Variants in PLEKHG3 observed in about 807,000 individuals in gnomAD.
The protein encoded by PLEKHG3 is pleckstrin homology and RhoGEF domain containing G3.
PLEKHG3 carries 62 observed loss-of-function variants against 94.9 expected under a neutral mutation model. That is an observed-to-expected ratio of 0.65 (90% CI 0.53 to 0.81). The LOEUF (loss-of-function observed/expected upper bound fraction) is 0.81, where lower values mean the gene tolerates loss of function less well. Ranked by LOEUF, PLEKHG3 falls within the 30% of genes least tolerant of loss-of-function variation. PLEKHG3 has a pLI of 0.00. For synonymous variants in PLEKHG3, 614 were observed against 654.0 expected, an observed-to-expected ratio of 0.94 and a Z score of 0.93; for missense variants, 1,461 against 1,619.3, an observed-to-expected ratio of 0.90 and a Z score of 1.68.
At chr14:64,724,305 C>T (rs2081316002) in intron 1 of PLEKHG3, among the ~76,000 whole-genome samples, 1 of 152,120 alleles carries the variant, frequency 6.6e-6, no homozygotes, top group Admixed American at 6.5e-5. Context: ...TGACAGTCTG[C>T]ACTAGTGTCC....
In PLEKHG3 at chr14:64,728,522, G is replaced by C. The variant is rs2081396323; in HGVS notation, c.352-474G>C. On this transcript the variant is annotated intron_variant, in intron 2 of 16. Transcript: ENST00000247226. The surrounding 1 kb of genome is among the most constrained non-coding windows in gnomAD (Gnocchi z 5.9). The stretch of plus-strand genomic sequence containing the variant: ...AAAACAGCAAATGTGTTCTCACTCA[G>C]TTCAGGAGGCCAGAAGTCCAAAAAT... Among the ~76,000 whole-genome samples the C allele has an allele frequency of 1.3e-5, 2 of 152,248 alleles. No homozygotes were observed. Among genetic ancestry groups the C allele is most frequent in the Admixed American group, 1.3e-4 (2 of 15,286 alleles).
rs1294747125 is a variant in PLEKHG3 at position 64,728,979 on chromosome 14, C to T, written c.352-17C>T. The T allele has an allele frequency of 3.3e-6, 4 of 1,205,574 alleles. No individual in the cohort carries two copies. Among genetic ancestry groups the T allele is most frequent in the South Asian group, 2.6e-5 (2 of 76,714 alleles). 74.7% of individuals were successfully genotyped at this position (1,205,574 alleles called of 1,614,324 possible). ...GTTGTGCCGGGGGCTAGGTTCTGAC[C>T]ACCTCCCTCCACGCAGGACTACCTC... On this transcript the variant is annotated splice_polypyrimidine_tract_variant and intron_variant, in intron 2 of 16. Transcript: ENST00000247226. This position sits in a 1 kb window ranked among gnomAD's most constrained non-coding sequence, Gnocchi z 5.9.
In PLEKHG3 at chr14:64,743,273, A is replaced by T. The variant is rs1384515504; in HGVS notation, c.3230A>T (p.Asn1077Ile). 6.2e-7 allele frequency: 1 copy of T among 1,607,272 alleles called. No individual in the cohort carries two copies. Among genetic ancestry groups the T allele is most frequent in the South Asian group, 1.1e-5 (1 of 90,880 alleles). ...GGGRPRGPPV[N>I]RSHSVPENMV... ...GGCCGGCCCCGCGGCCCACCCGTCAACAGGAGCCACTCGGTGCCGGAGAAC... is the reference window on the plus strand; with the variant it reads ...GGCCGGCCCCGCGGCCCACCCGTCATCAGGAGCCACTCGGTGCCGGAGAAC... Residue 1077 changes from asparagine (N) to isoleucine (I), a missense_variant, in exon 17 of 17, where the codon AAC (asparagine) becomes ATC (isoleucine). Around this residue, in one of 3 missense-constraint regions of PLEKHG3, gnomAD observed 1,201 missense variants for 1,295.5 expected, o/e 0.93. Coordinates refer to ENST00000247226, the MANE Select transcript of PLEKHG3 (RefSeq NM_001308147.2). This position sits in a 1 kb window ranked among gnomAD's most constrained non-coding sequence, Gnocchi z 7.2.
Position 64,743,924 on chromosome 14 carries a change from G to A in PLEKHG3, c.*221G>A, listed in dbSNP as rs79930160. Reference sequence around the variant, plus strand: ...CAATTTCCCACTCACCTGTGAGGCCGGTGTGGCTGCTTCCCTTGTAAATAG... The same window carrying A: ...CAATTTCCCACTCACCTGTGAGGCCAGTGTGGCTGCTTCCCTTGTAAATAG... On this transcript the variant is annotated 3_prime_UTR_variant, in exon 17 of 17. Transcript: ENST00000247226. The surrounding 1 kb of genome is among the most constrained non-coding windows in gnomAD (Gnocchi z 7.2). 13 of 468,446 alleles carry A rather than the reference G, an allele frequency of 2.8e-5. No homozygotes were observed. The highest frequency in any genetic ancestry group is 5.4e-4 in the Middle Eastern group (1 of 1,862). The allele number at this position is 468,446 out of a possible 1,614,324, so 29.0% of individuals were successfully genotyped here.
In PLEKHG3 at chr14:64,716,457, C is replaced by CACACACACA. The variant is rs1423115593; in HGVS notation, c.-39-11126_-39-11118dup. ...CCCTACACACACACACACACACACA[C>CACACACACA]ACACACACAACACACACACACACAA... On this transcript the variant is annotated intron_variant, in intron 1 of 16. Transcript: ENST00000247226. The surrounding 1 kb of genome is among the most constrained non-coding windows in gnomAD (Gnocchi z 5.0). 3.9e-5 allele frequency among the ~76,000 whole-genome samples: 5 copies of CACACACACA among 129,832 alleles called. No homozygotes were observed. The East Asian group carries it at 1.1e-3, about 28-fold the overall frequency. 85.2% of individuals were successfully genotyped at this position (129,832 alleles called of 152,430 possible).
chr14:64,709,461 T>C (rs1476044472), intron 1 of PLEKHG3, among the ~76,000 whole-genome samples: 1 of 152,200 alleles, frequency 6.6e-6, no homozygotes, highest in East Asian at 1.9e-4. Flanking sequence ...CTCTCTTTCA[T>C]GCTGAGCAGA....
chr14:64,730,249 C>T lies in PLEKHG3; in HGVS notation c.456C>T (p.Leu152=), dbSNP rs1360134017. Residue 152 remains leucine, a synonymous_variant, in exon 4 of 17, where the codon CTC becomes CTT. Coordinates refer to ENST00000247226, the MANE Select transcript of PLEKHG3 (RefSeq NM_001308147.2). This position sits in a 1 kb window ranked among gnomAD's most constrained non-coding sequence, Gnocchi z 5.4. ...IENIYALNSQ[L]LRDLDSCNSD... ...CTGCTCTCCCCTCACCCAGCCAGCT[C>T]CTCAGAGACCTGGACAGCTGCAATA... is the stretch of plus-strand genomic sequence containing the variant. 4 of 1,531,908 alleles carry T rather than the reference C, an allele frequency of 2.6e-6. No individual in the cohort carries two copies. In the African/African-American group the frequency reaches 4.1e-5, roughly 16 times the overall value. 94.9% of individuals were successfully genotyped at this position (1,531,908 alleles called of 1,614,324 possible). A position where few individuals can be genotyped will look rare whatever the true frequency, so the allele number is the denominator to read the frequency against.
chr14:64,731,346 G>T lies in PLEKHG3; in HGVS notation c.850-15G>T, dbSNP rs2081459417. On this transcript the variant is annotated splice_polypyrimidine_tract_variant and intron_variant, in intron 7 of 16. Transcript: ENST00000247226. The surrounding 1 kb of genome is among the most constrained non-coding windows in gnomAD (Gnocchi z 6.1). ...CAGTGGCCTGACTCTAGGGATTGGG[G>T]CCCCTCTGCTGCAGGAGATTCAGTC... 1.9e-6 allele frequency: 3 copies of T among 1,610,152 alleles called. No individual in the cohort carries two copies. Among genetic ancestry groups the T allele is most frequent in the Non-Finnish European group, 2.5e-6 (3 of 1,177,798 alleles).
At position 64,741,287 on chromosome 14, in the gene PLEKHG3, T is replaced by C. The variant is rs1273550892; in HGVS notation, c.1770T>C (p.Pro590=). Residue 590 remains proline (P), a synonymous_variant, in exon 16 of 17, where the codon CCT becomes CCC. Transcript: ENST00000247226. ...EEEMGGAAQE[P]ESLLPPSVLD... ...AAATGGGAGGTGCCGCCCAGGAGCCTGAGAGCCTTCTGCCACCCTCTGTGC... is the reference window on the plus strand; with the variant it reads ...AAATGGGAGGTGCCGCCCAGGAGCCCGAGAGCCTTCTGCCACCCTCTGTGC... 1.2e-6 allele frequency: 2 copies of C among 1,613,680 alleles called. No homozygotes were observed. The highest frequency in any genetic ancestry group is 1.7e-5 in the Admixed American group (1 of 59,990).
In PLEKHG3 at chr14:64,731,610, C is replaced by A; in HGVS notation, c.1032+67C>A. On this transcript the variant is annotated intron_variant, in intron 8 of 16. Transcript: ENST00000247226. This position sits in a 1 kb window ranked among gnomAD's most constrained non-coding sequence, Gnocchi z 6.1. ...TTCCCAAAGGATCTGGGCTCCCCTT[C>A]TTGTCTGCTTCTTGGGGCTCCAGCA... 1 of 1,554,292 alleles carries A rather than the reference C, an allele frequency of 6.4e-7. No homozygotes were observed.
Position 64,715,908 on chromosome 14 carries a change from T to A in PLEKHG3, c.-40+11204T>A, listed in dbSNP as rs1207584244. ...ACCCACACGCAGAACTGGTTCTGAA[T>A]AGAACATTTATTGACGAAGTTTTGC... is the stretch of plus-strand genomic sequence containing the variant. On this transcript the variant is annotated intron_variant, in intron 1 of 16. Coordinates refer to ENST00000247226, the MANE Select transcript of PLEKHG3 (RefSeq NM_001308147.2). This position sits in a 1 kb window ranked among gnomAD's most constrained non-coding sequence, Gnocchi z 4.4. 2.5e-6 allele frequency: 1 copy of A among 406,728 alleles called. No homozygotes were observed. The highest frequency in any genetic ancestry group is 4.9e-6 in the Non-Finnish European group (1 of 202,188). 25.2% of individuals were successfully genotyped at this position (406,728 alleles called of 1,614,324 possible).
Position 64,744,284 on chromosome 14 carries a change from T to G in PLEKHG3, c.*581T>G, listed in dbSNP as rs2081785648. 6.5e-6 allele frequency: 1 copy of G among 152,820 alleles called. No individual in the cohort carries two copies. The highest frequency in any genetic ancestry group is 1.5e-5 in the Non-Finnish European group (1 of 68,168). The allele number at this position is 152,820 out of a possible 1,614,324, so 9.5% of individuals were successfully genotyped here. On this transcript the variant is annotated 3_prime_UTR_variant, in exon 17 of 17. Coordinates refer to ENST00000247226, the MANE Select transcript of PLEKHG3 (RefSeq NM_001308147.2). Reference sequence around the variant, plus strand: ...GGTTGTTGTGCTGACCCTGTGGTTGTCGCTGATGTACACACATTTCATTAT... The same window carrying G: ...GGTTGTTGTGCTGACCCTGTGGTTGGCGCTGATGTACACACATTTCATTAT...
In PLEKHG3 at chr14:64,730,790, C is replaced by A. The variant is rs1184438841; in HGVS notation, c.567-9C>A. On this transcript the variant is annotated splice_polypyrimidine_tract_variant and intron_variant, in intron 5 of 16. Transcript: ENST00000247226. The surrounding 1 kb of genome is among the most constrained non-coding windows in gnomAD (Gnocchi z 5.4). Reference sequence around the variant, plus strand: ...CCCAGGTGGTGACTGGCCCTTCTCCCACTCCCAGCTCCGTGGCCGCCCTGA... The same window carrying A: ...CCCAGGTGGTGACTGGCCCTTCTCCAACTCCCAGCTCCGTGGCCGCCCTGA... 6.2e-7 allele frequency: 1 copy of A among 1,612,748 alleles called. No homozygotes were observed. The highest frequency in any genetic ancestry group is 8.5e-7 in the Non-Finnish European group (1 of 1,179,048).
At position 64,730,333 on chromosome 14, in the gene PLEKHG3, G is replaced by T; in HGVS notation, c.519+21G>T. The stretch of plus-strand genomic sequence containing the variant: ...AAAGGGTAAGAAGGGCTGGGTCCTT[G>T]CCTCTGTCCTACCTTGCTGAGAGCT... On this transcript the variant is annotated intron_variant, in intron 4 of 16. Coordinates refer to ENST00000247226, the MANE Select transcript of PLEKHG3 (RefSeq NM_001308147.2). The surrounding 1 kb of genome is among the most constrained non-coding windows in gnomAD (Gnocchi z 5.4). The T allele has an allele frequency of 6.8e-7, 1 of 1,478,522 alleles. No individual in the cohort carries two copies. Among genetic ancestry groups the T allele is most frequent in the Non-Finnish European group, 9.1e-7 (1 of 1,094,454 alleles). The allele number at this position is 1,478,522 out of a possible 1,614,324, so 91.6% of individuals were successfully genotyped here. A position where few individuals can be genotyped will look rare whatever the true frequency, so the allele number is the denominator to read the frequency against.
chr14:64,737,840 GGGGGTCTT>G, intron 14 of PLEKHG3: 1 of 1,152,836 alleles, frequency 8.7e-7, no homozygotes, highest in Non-Finnish European at 1.1e-6. Context: ...CTGGTCACGA[GGGGGTCTT>G]GTGCTCTGAA....
chr14:64,718,031 C>CAG lies in PLEKHG3; in HGVS notation c.-39-9562_-39-9561insAG, dbSNP rs2081198700. Among the ~76,000 whole-genome samples, 1 of 152,176 alleles carries CAG rather than the reference C, an allele frequency of 6.6e-6. No individual in the cohort carries two copies. The highest frequency in any genetic ancestry group is 1.5e-5 in the Non-Finnish European group (1 of 68,022). ...CCCGGGGCGTGGGGGTGGTCTGGGT[C>CAG]CTCTCGGGACTCAGCTGCTCTCTTG... is the stretch of plus-strand genomic sequence containing the variant. On this transcript the variant is annotated intron_variant, in intron 1 of 16. Coordinates refer to ENST00000247226, the MANE Select transcript of PLEKHG3 (RefSeq NM_001308147.2). This position sits in a 1 kb window ranked among gnomAD's most constrained non-coding sequence, Gnocchi z 5.0.
At position 64,741,475 on chromosome 14, in the gene PLEKHG3, G is replaced by C. The variant is rs377488568; in HGVS notation, c.1958G>C (p.Arg653Pro). ...GAGGGCAGCGAGAAGGGCCTGGCCCGGCATGGCAGTGCCACAGACTCCCTC... is the reference window on the plus strand; with the variant it reads ...GAGGGCAGCGAGAAGGGCCTGGCCCCGCATGGCAGTGCCACAGACTCCCTC... ...SLEGSEKGLA[R>P]HGSATDSLSC... Residue 653 changes from arginine to proline, a missense_variant, in exon 16 of 17, where the codon CGG (arginine) becomes CCG (proline). By Grantham distance (103) the Arg-to-Pro change is moderately radical (BLOSUM62 -2). Coordinates refer to ENST00000247226, the MANE Select transcript of PLEKHG3 (RefSeq NM_001308147.2). The C allele has an allele frequency of 1.2e-6, 2 of 1,612,628 alleles. No individual in the cohort carries two copies. Among genetic ancestry groups the C allele is most frequent in the Non-Finnish European group, 1.7e-6 (2 of 1,180,016 alleles).
intron 13 of PLEKHG3, 89 bp from the exon 14 acceptor site, chr14:64,737,267 A>G (rs531077858): frequency 3.1e-6 from 3 of 962,138 alleles, no homozygotes; most frequent in Middle Eastern, 2.1e-4. Context: ...GGAGCTGTCC[A>G]GAGGTCTTTT....
chr14:64,738,692 G>A lies in PLEKHG3; in HGVS notation c.1405-50G>A, dbSNP rs754371760. On this transcript the variant is annotated intron_variant, in intron 14 of 16. Transcript: ENST00000247226. The surrounding 1 kb of genome is among the most constrained non-coding windows in gnomAD (Gnocchi z 4.8). ...ACTGCCCGTGTTGGGATGCAGAAGG[G>A]ATCAGCTTCCAGTTGTCTTGGAGTT... 1 of 1,283,272 alleles carries A rather than the reference G, an allele frequency of 7.8e-7. No individual in the cohort carries two copies. The highest frequency in any genetic ancestry group is 1.1e-6 in the Non-Finnish European group (1 of 902,038). 79.5% of individuals were successfully genotyped at this position (1,283,272 alleles called of 1,614,324 possible).
Sources: allele counts gnomAD v4.1 joint callset (sites outside exome capture counted in the v4.1 genomes callset), GRCh38; gene constraint gnomAD v4.1.1; regional missense constraint gnomAD v4.1.1; non-coding constraint Gnocchi (gnomAD v3.1); transcripts MANE v1.5; gene names NCBI Gene and HGNC (gene_info 2026-07-23, HGNC 2026-07-21).